The following FRMD4B variants were observed in gnomAD, a reference collection of about 807,000 sequenced individuals.
FRMD4B encodes FERM domain-containing protein 4B.
A neutral mutation model predicts 141.5 loss-of-function variants in FRMD4B; 74 were observed. The ratio of observed to expected loss-of-function variants is 0.52; its 90% CI spans 0.43 to 0.63. The LOEUF is 0.63. Ranked by LOEUF, FRMD4B falls within the 30% of genes least tolerant of loss-of-function variation. The pLI, the probability that FRMD4B is intolerant of heterozygous loss-of-function variation, is 0.00. For synonymous variants in FRMD4B, 506 were observed against 467.9 expected, an observed-to-expected ratio of 1.08 and a Z score of -1.05; for missense variants, 1,366 against 1,253.4, an observed-to-expected ratio of 1.09 and a Z score of -1.36.
intron 1 of FRMD4B, among the ~76,000 whole-genome samples, chr3:69,451,370 G>C (rs1460073573): frequency 1.3e-5 from 2 of 152,208 alleles, no homozygotes; most frequent in Non-Finnish European, 2.9e-5. Flanking sequence ...GATAGCTGTA[G>C]GAAGTGCTGT....
intron 1 of FRMD4B, among the ~76,000 whole-genome samples, chr3:69,495,614 T>A (rs998208755): frequency 6.6e-6 from 1 of 152,222 alleles, no homozygotes; most frequent in Non-Finnish European, 1.5e-5. Flanking sequence ...CCTCTGCCCC[T>A]TGAACTTAGT....
intron 8 of FRMD4B, among the ~76,000 whole-genome samples, chr3:69,222,589 T>C (rs1214586002): frequency 6.6e-6 from 1 of 151,232 alleles, no homozygotes; most frequent in Non-Finnish European, 1.5e-5. Context: ...CTGGCCAACA[T>C]GGTGAAATGT....
At chr3:69,188,039 T>C (rs563015806) in intron 18 of FRMD4B, 122 bp from the exon 19 acceptor site, 34 of 655,340 alleles carry the variant, frequency 5.2e-5, no homozygotes, top group Admixed American at 3.4e-4. Flanking sequence ...CTTCCAAAGA[T>C]GATATTTTTA....
intron 1 of FRMD4B, among the ~76,000 whole-genome samples, chr3:69,523,732 G>T (rs1024512753): frequency 2.6e-5 from 4 of 152,296 alleles, no homozygotes; most frequent in South Asian, 4.1e-4. Flanking sequence ...CTGTTACCAA[G>T]AATGGGAGAA....
At chr3:69,197,331 A>G (rs558633411) in intron 12 of FRMD4B, among the ~76,000 whole-genome samples, 6 of 152,304 alleles carry the variant, frequency 3.9e-5, no homozygotes, top group Admixed American at 2.6e-4. Flanking sequence ...TTAGTTAGAA[A>G]CTCTAAGGAT....
At position 69,170,677 on chromosome 3, in the gene FRMD4B, C is replaced by G. The variant is rs2092577441; in HGVS notation, c.*1184G>C. On this transcript the variant is annotated 3_prime_UTR_variant, in exon 23 of 23. Coordinates refer to ENST00000398540, the MANE Select transcript of FRMD4B (RefSeq NM_015123.3). ...CAATCTGGAATATGGAAATCATTTG[C>G]TTTAAAAAACAAACAAACAAAACCC... 6.6e-6 allele frequency: 1 copy of G among 152,048 alleles called. No homozygotes were observed. The highest frequency in any genetic ancestry group is 2.4e-5 in the African/African-American group (1 of 41,426). The allele number at this position is 152,048 out of a possible 1,614,324, so 9.4% of individuals were successfully genotyped here.
intron 7 of FRMD4B, among the ~76,000 whole-genome samples, chr3:69,236,753 A>C (rs2093348016): frequency 6.6e-6 from 1 of 152,172 alleles, no homozygotes. Flanking sequence ...TATCTCTGTT[A>C]CTGTTAGGGT....
chr3:69,193,762 G>T lies in FRMD4B; in HGVS notation c.1600C>A (p.Arg534=), dbSNP rs1294480063. Residue 534 remains arginine (R), a synonymous_variant, in exon 17 of 23, where the codon CGA becomes AGA. Coordinates refer to ENST00000398540, the MANE Select transcript of FRMD4B (RefSeq NM_015123.3). ...ATCGCATCTGTGTAATCTTGCTTTC[G>T]CTTTTTCTTCACAGTTTTACAAAGG... ...PDLCKTVKKK[R]KQDYTDAMKK... is the part of the protein sequence containing the mutation. 6 of 1,613,114 alleles carry T rather than the reference G, an allele frequency of 3.7e-6. No homozygotes were observed. Among genetic ancestry groups the T allele is most frequent in the Non-Finnish European group, 5.1e-6 (6 of 1,179,260 alleles).
intron 1 of FRMD4B, among the ~76,000 whole-genome samples, chr3:69,367,330 C>T (rs1559832564): frequency 6.6e-6 from 1 of 152,150 alleles, no homozygotes; most frequent in Admixed American, 6.6e-5. Context: ...ACTTACACTT[C>T]CCAGAGGTAA....
chr3:69,363,714 A>G (rs930988366), intron 1 of FRMD4B, among the ~76,000 whole-genome samples: 4 of 152,160 alleles, frequency 2.6e-5, no homozygotes, highest in Non-Finnish European at 4.4e-5. Flanking sequence ...TCAAGAACAG[A>G]CAGCTTTTTA....
chr3:69,483,753 A>G (rs1458531316), intron 1 of FRMD4B, among the ~76,000 whole-genome samples: 2 of 152,246 alleles, frequency 1.3e-5, no homozygotes, highest in Non-Finnish European at 2.9e-5. Flanking sequence ...GGACCCTTAT[A>G]GTTATTTTTA....
intron 1 of FRMD4B, among the ~76,000 whole-genome samples, chr3:69,523,898 G>C (rs369722800): frequency 6.6e-6 from 1 of 152,238 alleles, no homozygotes; most frequent in East Asian, 1.9e-4. Flanking sequence ...ACCCTACCCA[G>C]GGAATCCCTC....
intron 1 of FRMD4B, among the ~76,000 whole-genome samples, chr3:69,503,159 A>G (rs2107070941): frequency 6.6e-6 from 1 of 152,318 alleles, no homozygotes; most frequent in South Asian, 2.1e-4. Context: ...TAGAAATACC[A>G]TTTGACCCAG....
chr3:69,187,344 G>C (rs367617327), intron 19 of FRMD4B, among the ~76,000 whole-genome samples: 10 of 151,750 alleles, frequency 6.6e-5, no homozygotes, highest in South Asian at 2.1e-4. Flanking sequence ...TTGGGAGTTC[G>C]AGACCACCCG....
At chr3:69,431,052 G>A (rs764353467) in intron 2 of FRMD4B, among the ~76,000 whole-genome samples, 1 of 151,926 alleles carries the variant, frequency 6.6e-6, no homozygotes, top group Admixed American at 6.6e-5. Flanking sequence ...TGTGCAGTGG[G>A]TGCAAAAAAT....
At chr3:69,302,125 T>C (rs946301762) in intron 4 of FRMD4B, among the ~76,000 whole-genome samples, 6 of 152,200 alleles carry the variant, frequency 3.9e-5, no homozygotes, top group Admixed American at 6.5e-5. Context: ...CTATCCTTCA[T>C]CTTCAAAGAA....
At position 69,196,262 on chromosome 3, in the gene FRMD4B, G is replaced by A. The variant is rs780956595; in HGVS notation, c.1227C>T (p.Ile409=). 1.9e-6 allele frequency: 3 copies of A among 1,602,354 alleles called. No individual in the cohort carries two copies. The South Asian group carries it at 3.4e-5, about 18-fold the overall frequency. ...CTAATCCCAAGATGTTACCTGAGGA[G>A]ATTAAACTGCCATTACTTGCCATGA... ...QFIMASNGSL[I]SSGSQDSEVS... is the part of the protein sequence containing the mutation. Residue 409 remains isoleucine (I), a synonymous_variant, in exon 14 of 23, where the codon ATC becomes ATT. Coordinates refer to ENST00000398540, the MANE Select transcript of FRMD4B (RefSeq NM_015123.3).
chr3:69,371,908 G>A (rs1322041008), intron 1 of FRMD4B, among the ~76,000 whole-genome samples: 1 of 152,158 alleles, frequency 6.6e-6, no homozygotes, highest in Non-Finnish European at 1.5e-5. Context: ...GAATGCACAA[G>A]TTATTTCCAC....
chr3:69,457,288 A>T (rs1375367459), intron 1 of FRMD4B, among the ~76,000 whole-genome samples: 1 of 152,220 alleles, frequency 6.6e-6, no homozygotes, highest in Non-Finnish European at 1.5e-5. Flanking sequence ...AAGGAAAAAA[A>T]GGTTAGCATG....
Sources: allele counts gnomAD v4.1 joint callset (sites outside exome capture counted in the v4.1 genomes callset), GRCh38; gene constraint gnomAD v4.1.1; transcripts MANE v1.5; gene names NCBI Gene and HGNC (gene_info 2026-07-23, HGNC 2026-07-21).